The following FNDC3A variants were observed in gnomAD, a reference collection of about 807,000 sequenced individuals.
The protein encoded by FNDC3A is fibronectin type III domain containing 3A, also known as fibronectin type-III domain-containing protein 3A.
Under a neutral mutation model 148.9 loss-of-function variants are expected in FNDC3A, and 32 were observed. That is an observed-to-expected ratio of 0.21 (90% CI 0.16 to 0.29). FNDC3A has a LOEUF of 0.29. Ranked by LOEUF, FNDC3A falls within the 10% of genes least tolerant of loss-of-function variation. The pLI is 1.00. For missense variants in FNDC3A, 1,191 were observed against 1,452.8 expected, an observed-to-expected ratio of 0.82 and a Z score of 2.93; for synonymous variants, 472 against 473.6, an observed-to-expected ratio of 1.00 and a Z score of 0.04.
chr13:49,127,571 A>G (rs1881776450), intron 4 of FNDC3A, among the ~76,000 whole-genome samples: 1 of 152,142 alleles, frequency 6.6e-6, no homozygotes, highest in South Asian at 2.1e-4. Context: ...CCTCCTTGAC[A>G]TGCTTCACCA....
At chr13:49,168,806 T>C (rs760740917) in intron 10 of FNDC3A, 55 bp downstream of exon 10, 1 of 1,516,252 alleles carries the variant, frequency 6.6e-7, no homozygotes, top group Non-Finnish European at 9.1e-7. Context: ...TTGTTTCCCC[T>C]GGTAGTATTA....
At chr13:49,092,342 C>T (rs1340869799) in intron 3 of FNDC3A, among the ~76,000 whole-genome samples, 1 of 152,236 alleles carries the variant, frequency 6.6e-6, no homozygotes. Flanking sequence ...GTGCCTCTTT[C>T]TTGGTTGTAG....
At chr13:49,036,852 T>C (rs924242209) in intron 2 of FNDC3A, among the ~76,000 whole-genome samples, 1 of 152,210 alleles carries the variant, frequency 6.6e-6, no homozygotes, top group Admixed American at 6.5e-5. Context: ...TGAGAAGCCC[T>C]GTTAGGAAAA....
At chr13:49,138,844 T>C in intron 7 of FNDC3A, 39 bp downstream of exon 7, 1 of 1,058,964 alleles carries the variant, frequency 9.4e-7, no homozygotes, top group Non-Finnish European at 1.4e-6. Flanking sequence ...TTATATTTAA[T>C]ATATTAGCAT....
intron 2 of FNDC3A, among the ~76,000 whole-genome samples, chr13:49,041,080 G>A (rs530132592): frequency 6.6e-6 from 1 of 152,246 alleles, no homozygotes; most frequent in African/African-American, 2.4e-5. Flanking sequence ...TATGAGTCCT[G>A]CATTTTGGAG....
chr13:48,994,711 G>A (rs1951990999), intron 1 of FNDC3A, among the ~76,000 whole-genome samples: 1 of 152,098 alleles, frequency 6.6e-6, no homozygotes, highest in Non-Finnish European at 1.5e-5. Flanking sequence ...CTGGGAAGCG[G>A]GGGTTGCAGT....
At chr13:48,986,548 A>C (rs1446871294) in intron 1 of FNDC3A, among the ~76,000 whole-genome samples, 2 of 151,796 alleles carry the variant, frequency 1.3e-5, no homozygotes, top group Admixed American at 6.6e-5. Flanking sequence ...AGCACGTGCC[A>C]CCACACCCGG....
chr13:49,015,941 C>T (rs1347914722), intron 2 of FNDC3A, among the ~76,000 whole-genome samples: 12 of 151,562 alleles, frequency 7.9e-5, no homozygotes, highest in African/African-American at 2.7e-4. Context: ...CCTTGCATCC[C>T]AGGGATGAAG....
intron 2 of FNDC3A, among the ~76,000 whole-genome samples, chr13:49,013,807 C>CCCA: frequency 6.9e-6 from 1 of 144,142 alleles, no homozygotes; most frequent in African/African-American, 2.6e-5. Flanking sequence ...TCCATGTGTT[C>CCCA]TCTTTGTTCA....
intron 2 of FNDC3A, among the ~76,000 whole-genome samples, chr13:49,018,910 C>G (rs1873057579): frequency 6.6e-6 from 1 of 151,816 alleles, no homozygotes; most frequent in African/African-American, 2.4e-5. Flanking sequence ...AGTTGGGCTG[C>G]TTGGGGGGTC....
At chr13:49,110,353 T>A (rs776162696) in intron 3 of FNDC3A, 1 of 1,612,206 alleles carries the variant, frequency 6.2e-7, no homozygotes, top group Admixed American at 1.7e-5. Context: ...TACTACGCTG[T>A]TTCCTTGTTG....
intron 1 of FNDC3A, among the ~76,000 whole-genome samples, chr13:49,005,426 T>C (rs1952202760): frequency 6.6e-6 from 1 of 152,090 alleles, no homozygotes; most frequent in South Asian, 2.1e-4. Flanking sequence ...TAGACTAATA[T>C]TGCTTACATC....
At chr13:49,110,095 A>G (rs746694310) in intron 3 of FNDC3A, among the ~76,000 whole-genome samples, 2 of 152,202 alleles carry the variant, frequency 1.3e-5, no homozygotes, top group Non-Finnish European at 2.9e-5. Flanking sequence ...GAGCTTTTGA[A>G]TTGGTTCATA....
intron 3 of FNDC3A, among the ~76,000 whole-genome samples, chr13:49,082,825 C>G (rs1878566249): frequency 1.3e-5 from 2 of 152,090 alleles, no homozygotes; most frequent in Admixed American, 1.3e-4. Flanking sequence ...AGGATATCAT[C>G]AAGAAGGTAT....
intron 2 of FNDC3A, among the ~76,000 whole-genome samples, chr13:49,064,108 C>A (rs562481180): frequency 6.6e-6 from 1 of 151,856 alleles, no homozygotes; most frequent in Non-Finnish European, 1.5e-5. Context: ...TTTGGGAGGC[C>A]GAGGTGGGCA....
rs1216180647 is a variant in FNDC3A, at chr13:49,188,617, A to T, written c.1928A>T (p.Asp643Val). The T allele has an allele frequency of 4.3e-5, 69 of 1,609,868 alleles. No individual in the cohort carries two copies. The highest frequency in any genetic ancestry group is 5.8e-5 in the Non-Finnish European group (68 of 1,176,282). Residue 643 changes from aspartate (D) to valine (V), a missense_variant, in exon 17 of 26, where the codon GAT becomes GTT. Transcript: ENST00000492622. ...CGTTTACGAGTTTACTGCATCAGTG[A>T]TGGAGGACAGAGTGCGGTAATACTT... ...FYRLRVYCIS[D>V]GGQSAVSESL...
chr13:49,105,798 A>G lies in FNDC3A; in HGVS notation c.176-8857A>G, dbSNP rs371354308. Reference sequence around the variant, plus strand: ...AAGTAGAATTACTAGATCATAGAGTATGCATATGTTCAAGTTTAGTAGATA... The same window carrying G: ...AAGTAGAATTACTAGATCATAGAGTGTGCATATGTTCAAGTTTAGTAGATA... On this transcript the variant is annotated intron_variant, in intron 3 of 25. Transcript: ENST00000492622. Among the ~76,000 whole-genome samples the G allele has an allele frequency of 4.6e-5, 7 of 152,234 alleles. No individual in the cohort carries two copies. The East Asian group carries it at 9.6e-4, about 21-fold the overall frequency.
At chr13:49,054,900 CT>C (rs1215469751) in intron 2 of FNDC3A, among the ~76,000 whole-genome samples, 1 of 151,976 alleles carries the variant, frequency 6.6e-6, no homozygotes, top group Non-Finnish European at 1.5e-5. Flanking sequence ...ATTCACTCTA[CT>C]TTTTTCTCTT....
intron 2 of FNDC3A, among the ~76,000 whole-genome samples, chr13:49,041,282 A>T (rs1055931390): frequency 1.3e-5 from 2 of 152,194 alleles, no homozygotes; most frequent in African/African-American, 4.8e-5. Context: ...CCCTAAAATA[A>T]CTATTTCAGT....
Sources: gnomAD v4.1 joint callset for allele counts (sites outside exome capture counted in the v4.1 genomes callset) on GRCh38, gnomAD v4.1.1 for gene constraint, MANE v1.5 for transcripts, NCBI Gene and HGNC (gene_info 2026-07-23, HGNC 2026-07-21) for gene names.